Variants in RASGEF1C observed in about 807,000 individuals in gnomAD.
RASGEF1C encodes the protein RasGEF domain family member 1C, also known as ras-GEF domain-containing family member 1C.
Under a neutral mutation model 58.1 loss-of-function variants are expected in RASGEF1C, and 27 were observed. That is an observed-to-expected ratio of 0.46 (90% CI 0.34 to 0.64). RASGEF1C has a LOEUF of 0.64. Ranked by LOEUF, RASGEF1C falls within the 30% of genes least tolerant of loss-of-function variation. The pLI, the probability that RASGEF1C is intolerant of heterozygous loss-of-function variation, is 0.01. For synonymous variants in RASGEF1C, 243 were observed against 246.3 expected, an observed-to-expected ratio of 0.99 and a Z score of 0.13; for missense variants, 502 against 605.1, an observed-to-expected ratio of 0.83 and a Z score of 1.79.
intron 1 of RASGEF1C, among the ~76,000 whole-genome samples, chr5:180,192,582 C>T (rs1188715393): frequency 6.6e-6 from 1 of 152,090 alleles, no homozygotes; most frequent in Non-Finnish European, 1.5e-5. Flanking sequence ...GAAAACAACA[C>T]TGGAACTGAT....
rs1034138576 is a variant in RASGEF1C, at chr5:180,197,532, G to A, written c.-7+11496C>T. On this transcript the variant is annotated intron_variant, in intron 1 of 13. Coordinates refer to ENST00000361132, the MANE Select transcript of RASGEF1C (RefSeq NM_175062.4). The surrounding 1 kb of genome is among the most constrained non-coding windows in gnomAD (Gnocchi z 4.7). ...CCCACAAAGACAGAGAGTGAGAGCAGTCCACGCTCAAAAATAGCCCAGACT... is the reference window on the plus strand; with the variant it reads ...CCCACAAAGACAGAGAGTGAGAGCAATCCACGCTCAAAAATAGCCCAGACT... 6.6e-6 allele frequency among the ~76,000 whole-genome samples: 1 copy of A among 152,210 alleles called. No homozygotes were observed. Among genetic ancestry groups the A allele is most frequent in the Admixed American group, 6.5e-5 (1 of 15,284 alleles).
At chr5:180,152,550 C>G (rs1304528345) in intron 1 of RASGEF1C, among the ~76,000 whole-genome samples, 1 of 118,906 alleles carries the variant, frequency 8.4e-6, no homozygotes. Context: ...ACATCACACA[C>G]CGGGGCCTGT....
chr5:180,149,137 G>C (rs144597640), intron 1 of RASGEF1C, among the ~76,000 whole-genome samples: 1 of 141,662 alleles, frequency 7.1e-6, no homozygotes, highest in Non-Finnish European at 1.5e-5. Flanking sequence ...CACCAGGCTG[G>C]AGTGCAATGG....
intron 7 of RASGEF1C, among the ~76,000 whole-genome samples, 159 bp from the exon 8 acceptor site, chr5:180,119,607 C>T (rs1422184542): frequency 6.6e-6 from 1 of 152,202 alleles, no homozygotes; most frequent in Non-Finnish European, 1.5e-5. Flanking sequence ...GCTTCATGGG[C>T]TGAGCCAGCA....
In RASGEF1C at chr5:180,161,291, C is replaced by G. The variant is rs188036628; in HGVS notation, c.-6-23233G>C. On this transcript the variant is annotated intron_variant, in intron 1 of 13. Coordinates refer to ENST00000361132, the MANE Select transcript of RASGEF1C (RefSeq NM_175062.4). ...CTGCAGTGGGCAGGAGAGGGACTCC[C>G]TCCGCCCCGCTTCCAGAGTGTCTTT... Among the ~76,000 whole-genome samples, 21 of 152,356 alleles carry G rather than the reference C, an allele frequency of 1.4e-4. 1 individual carries two copies. The East Asian group carries it at 3.5e-3, about 25-fold the overall frequency.
intron 12 of RASGEF1C, among the ~76,000 whole-genome samples, chr5:180,106,419 T>C (rs1257417084): frequency 6.6e-6 from 1 of 152,238 alleles, no homozygotes; most frequent in Non-Finnish European, 1.5e-5. Context: ...TGTATGCATT[T>C]GGTGCTATAA....
At chr5:180,186,684 G>A (rs191244483) in intron 1 of RASGEF1C, among the ~76,000 whole-genome samples, 1 of 152,190 alleles carries the variant, frequency 6.6e-6, no homozygotes, top group Admixed American at 6.5e-5. Flanking sequence ...TACCCATCCT[G>A]GCCGGGCGCA....
At chr5:180,114,615 G>T in intron 10 of RASGEF1C, 74 bp from the exon 11 acceptor site, 2 of 1,424,048 alleles carry the variant, frequency 1.4e-6, no homozygotes, top group Non-Finnish European at 1.9e-6. Flanking sequence ...GGGCAGCCTT[G>T]CCAGCAGATA....
intron 1 of RASGEF1C, among the ~76,000 whole-genome samples, chr5:180,140,000 G>A (rs115063536): frequency 0.013 from 1,922 of 152,340 alleles, 42 homozygotes; most frequent in African/African-American, 0.044. Flanking sequence ...GCAGGATGGT[G>A]GGAGGTGCCA....
chr5:180,165,766 T>C (rs75612391), intron 1 of RASGEF1C, among the ~76,000 whole-genome samples: 1 of 146,474 alleles, frequency 6.8e-6, no homozygotes, highest in Non-Finnish European at 1.5e-5. Context: ...TTTTTTTTTT[T>C]TGAGATAGAG....
In RASGEF1C at chr5:180,202,111, A is replaced by G. The variant is rs73338747; in HGVS notation, c.-7+6917T>C. Among the ~76,000 whole-genome samples the G allele has an allele frequency of 3.2e-3, 480 of 152,306 alleles. 3 individuals are homozygous for G. Among genetic ancestry groups the G allele is most frequent in the African/African-American group, 0.011 (455 of 41,568 alleles). Reference sequence around the variant, plus strand: ...TGAACTCATGAAAAAAAATGAGGAAAAGACCATCATCTCAGAAATGAAGAC... The same window carrying G: ...TGAACTCATGAAAAAAAATGAGGAAGAGACCATCATCTCAGAAATGAAGAC... On this transcript the variant is annotated intron_variant, in intron 1 of 13. Coordinates refer to ENST00000361132, the MANE Select transcript of RASGEF1C (RefSeq NM_175062.4).
chr5:180,166,331 G>C (rs1405255022), intron 1 of RASGEF1C, among the ~76,000 whole-genome samples: 1 of 152,106 alleles, frequency 6.6e-6, no homozygotes, highest in African/African-American at 2.4e-5. Flanking sequence ...TATTGACACA[G>C]ACAGTTACTG....
At chr5:180,179,336 G>A (rs1199215240) in intron 1 of RASGEF1C, among the ~76,000 whole-genome samples, 2 of 152,126 alleles carry the variant, frequency 1.3e-5, no homozygotes, top group East Asian at 1.9e-4. Context: ...GGTAAGAGCA[G>A]CAGGAAGCCC....
intron 1 of RASGEF1C, among the ~76,000 whole-genome samples, chr5:180,178,421 A>G (rs1423120002): frequency 6.6e-6 from 1 of 151,074 alleles, no homozygotes; most frequent in Non-Finnish European, 1.5e-5. Context: ...CTGGGACTAC[A>G]GGCATGTACT....
chr5:180,111,949 A>T (rs530232943), intron 11 of RASGEF1C, among the ~76,000 whole-genome samples: 3 of 152,294 alleles, frequency 2.0e-5, no homozygotes, highest in Non-Finnish European at 4.4e-5. Context: ...TTTAATTTTT[A>T]AAAAAGGTGC....
chr5:180,134,848 C>CT lies in RASGEF1C; in HGVS notation c.438+1529_438+1530insA, dbSNP rs150042410. On this transcript the variant is annotated intron_variant, in intron 4 of 13. Transcript: ENST00000361132. The stretch of plus-strand genomic sequence containing the variant: ...TTCCTCCTTTCTAGCATTCACCCAT[C>CT]CACCCACCCACCTGTCCACCCTTCC... Among the ~76,000 whole-genome samples the CT allele has an allele frequency of 6.0e-4, 67 of 110,886 alleles. 1 individual carries two copies. Among genetic ancestry groups the CT allele is most frequent in the East Asian group, 8.6e-4 (3 of 3,504 alleles). The allele number at this position is 110,886 out of a possible 152,430, so 72.7% of individuals were successfully genotyped here.
intron 4 of RASGEF1C, among the ~76,000 whole-genome samples, chr5:180,131,799 AT>A (rs951009415): frequency 1.6e-4 from 24 of 152,204 alleles, no homozygotes; most frequent in African/African-American, 5.8e-4. Flanking sequence ...AGATTGCCTT[AT>A]TTTTTAAAAA....
At chr5:180,125,474 G>T (rs1037942617) in intron 6 of RASGEF1C, among the ~76,000 whole-genome samples, 1 of 152,186 alleles carries the variant, frequency 6.6e-6, no homozygotes, top group African/African-American at 2.4e-5. Context: ...TGTACCAGAG[G>T]TGCAAGTTAG....
At chr5:180,193,541 G>T (rs11249683) in intron 1 of RASGEF1C, among the ~76,000 whole-genome samples, 24 of 151,952 alleles carry the variant, frequency 1.6e-4, no homozygotes, top group Non-Finnish European at 2.6e-4. Context: ...AGCCAGGACC[G>T]GGGGACTCAA....
Sources: allele counts gnomAD v4.1 joint callset (sites outside exome capture counted in the v4.1 genomes callset), GRCh38; gene constraint gnomAD v4.1.1; non-coding constraint Gnocchi (gnomAD v3.1); transcripts MANE v1.5; gene names NCBI Gene and HGNC (gene_info 2026-07-23, HGNC 2026-07-21).